Variants in KRABD3 observed in about 807,000 individuals in gnomAD.
The protein encoded by KRABD3 is KRAB domain-containing protein 3.
At chr7:149,722,621 T>C in the KRABD3 span, 1 of 1,536,332 alleles carries the variant, frequency 6.5e-7, no homozygotes, top group Non-Finnish European at 8.9e-7. Flanking sequence ...GAGGAGGTCA[T>C]GCTGCTCCGC....
the KRABD3 span, chr7:149,719,525 C>T: frequency 6.5e-7 from 1 of 1,547,560 alleles, no homozygotes; most frequent in Non-Finnish European, 8.7e-7. The surrounding 1 kb of genome is among the most constrained non-coding windows in gnomAD (Gnocchi z 5.6). Flanking sequence ...CAACCAACCC[C>T]CCCGGAGACT....
At chr7:149,731,562 T>C in the KRABD3 span, 1 of 896,840 alleles carries the variant, frequency 1.1e-6, no homozygotes, top group South Asian at 1.6e-5. Flanking sequence ...TTCTATCTCA[T>C]TTAATCATTG....
the KRABD3 span, chr7:149,721,467 C>T: frequency 7.6e-5 from 122 of 1,612,984 alleles, 2 homozygotes; most frequent in Middle Eastern, 1.7e-3. Context: ...CTGGCCACCA[C>T]GCCCACCGAC....
At chr7:149,715,020 G>C in the KRABD3 span, 3 of 1,228,610 alleles carry the variant, frequency 2.4e-6, no homozygotes, top group Non-Finnish European at 3.0e-6. Context: ...GCCCGCGCCG[G>C]AAACCGAGGA....
At chr7:149,717,978 A>G in the KRABD3 span, among the ~76,000 whole-genome samples, 1 of 152,090 alleles carries the variant, frequency 6.6e-6, no homozygotes, top group African/African-American at 2.4e-5. Flanking sequence ...TTTGTATTTT[A>G]TTAGAGATGG....
chr7:149,730,512 GC>G, the KRABD3 span: 1 of 1,611,302 alleles, frequency 6.2e-7, no homozygotes, highest in Non-Finnish European at 8.5e-7. Context: ...AGTGGCGGCA[GC>G]CCTGGTGAAG....
chr7:149,719,557 C>A, the KRABD3 span: 224 of 1,588,898 alleles, frequency 1.4e-4, no homozygotes, highest in African/African-American at 2.9e-3. The surrounding 1 kb of genome is among the most constrained non-coding windows in gnomAD (Gnocchi z 5.6). Flanking sequence ...TGTCCATCAC[C>A]TTCAAGGACT....
the KRABD3 span, chr7:149,730,155 C>T: frequency 6.5e-7 from 1 of 1,528,362 alleles, no homozygotes. Flanking sequence ...AGGGTCTGCC[C>T]CCAAGCCCTC....
At chr7:149,731,605 G>A in the KRABD3 span, 2 of 1,096,204 alleles carry the variant, frequency 1.8e-6, no homozygotes, top group Non-Finnish European at 1.4e-6. Context: ...TTGTTTTAGG[G>A]TATGTCAGAA....
chr7:149,722,480 G>GCCCCC, the KRABD3 span: 3 of 1,528,712 alleles, frequency 2.0e-6, no homozygotes, highest in Non-Finnish European at 2.7e-6. Flanking sequence ...TGGGCGGGGA[G>GCCCCC]CCCAGCCCTC....
chr7:149,731,470 C>G, the KRABD3 span, among the ~76,000 whole-genome samples: 1 of 152,232 alleles, frequency 6.6e-6, no homozygotes, highest in African/African-American at 2.4e-5. Context: ...CCCCTGCATA[C>G]AGGGCAGGAA....
chr7:149,718,513 CTTTT>C, the KRABD3 span, among the ~76,000 whole-genome samples: 1 of 81,970 alleles, frequency 1.2e-5, no homozygotes, highest in African/African-American at 5.0e-5. Context: ...CACTGAAGGA[CTTTT>C]TTTTTTTTTT....
At chr7:149,722,447 A>G in the KRABD3 span, 1 of 1,607,830 alleles carries the variant, frequency 6.2e-7, no homozygotes, top group Non-Finnish European at 8.5e-7. Flanking sequence ...CGTGGCCTAC[A>G]AGGAAGGAAG....
At chr7:149,729,305 GC>G in the KRABD3 span, 1 of 1,600,348 alleles carries the variant, frequency 6.2e-7, no homozygotes, top group South Asian at 1.1e-5. Flanking sequence ...GTCCCCGCCT[GC>G]CACCAGCGGG....
At chr7:149,715,091 C>T in the KRABD3 span, 289 of 1,230,790 alleles carry the variant, frequency 2.3e-4, no homozygotes, top group Non-Finnish European at 2.8e-4. Flanking sequence ...CGCGCGGACC[C>T]CTCGGCGCAG....
At chr7:149,731,626 C>A in the KRABD3 span, 2 of 1,435,976 alleles carry the variant, frequency 1.4e-6, no homozygotes, top group Non-Finnish European at 1.9e-6. Flanking sequence ...TGGCTCTGGC[C>A]AAACGATCGT....
chr7:149,722,892 C>T, the KRABD3 span: 32 of 1,613,474 alleles, frequency 2.0e-5, no homozygotes, highest in Non-Finnish European at 2.4e-5. Context: ...TGCCACCTCT[C>T]CCTAGCCTGG....
chr7:149,728,760 TCCTGAGCCAACA>T, the KRABD3 span: 4 of 1,423,728 alleles, frequency 2.8e-6, no homozygotes, highest in Non-Finnish European at 3.8e-6. Context: ...TCAGATCTGC[TCCTGAGCCAACA>T]TGGTGCTCTG....
At chr7:149,715,018 C>G in the KRABD3 span, 2 of 1,227,866 alleles carry the variant, frequency 1.6e-6, no homozygotes, top group Non-Finnish European at 2.0e-6. Context: ...GGGCCCGCGC[C>G]GGAAACCGAG....
Sources: allele counts gnomAD v4.1 joint callset (sites outside exome capture counted in the v4.1 genomes callset), GRCh38; gene constraint gnomAD v4.1.1; non-coding constraint Gnocchi (gnomAD v3.1); transcripts MANE v1.5; gene names NCBI Gene and HGNC (gene_info 2026-07-23, HGNC 2026-07-21).